Variants in AKAP13 observed in about 807,000 individuals in gnomAD.
AKAP13 encodes A-kinase anchor protein 13.
A neutral mutation model predicts 264.5 loss-of-function variants in AKAP13; 80 were observed. That is an observed-to-expected ratio of 0.30 (90% CI 0.25 to 0.36). The LOEUF (loss-of-function observed/expected upper bound fraction) is 0.36, where lower values mean the gene tolerates loss of function less well. Among genes scored for constraint, AKAP13 ranks in the 10% least tolerant of loss-of-function variants. The pLI is 1.00. For missense variants in AKAP13, 3,712 were observed against 3,435.2 expected (o/e 1.08, Z -2.01); for synonymous variants, 1,380 against 1,250.2 (o/e 1.10, Z -2.19).
chr15:85,635,960 G>T (rs2082054622), intron 8 of AKAP13, among the ~76,000 whole-genome samples: 1 of 152,092 alleles, frequency 6.6e-6, no homozygotes, highest in South Asian at 2.1e-4. Context: ...CCCCGGTTTG[G>T]TTAGTGCAGC....
chr15:85,405,840 C>G (rs951227664), intron 1 of AKAP13, among the ~76,000 whole-genome samples: 1 of 151,980 alleles, frequency 6.6e-6, no homozygotes, highest in Non-Finnish European at 1.5e-5. Flanking sequence ...GAATACCTGC[C>G]CTCACCCCCC....
chr15:85,531,731 C>T (rs1233398260), intron 3 of AKAP13, among the ~76,000 whole-genome samples: 1 of 152,200 alleles, frequency 6.6e-6, no homozygotes, highest in Non-Finnish European at 1.5e-5. Flanking sequence ...CTTGCTACAG[C>T]CTTCTTAGAA....
intron 9 of AKAP13, 42 bp downstream of exon 9, chr15:85,639,491 C>T: frequency 7.1e-7 from 1 of 1,418,312 alleles, no homozygotes; most frequent in Non-Finnish European, 1.0e-6. Flanking sequence ...GCTGCAGCCC[C>T]ACTCTGGCAG....
intron 6 of AKAP13, among the ~76,000 whole-genome samples, 184 bp from the exon 7 acceptor site, chr15:85,578,746 T>C (rs2079098536): frequency 6.6e-6 from 1 of 152,124 alleles, no homozygotes; most frequent in Admixed American, 6.6e-5. Flanking sequence ...TAGGCAGATA[T>C]GAAAGGAAAG....
intron 14 of AKAP13, among the ~76,000 whole-genome samples, chr15:85,671,776 C>CT (rs1468068365): frequency 2.6e-5 from 4 of 152,086 alleles, no homozygotes; most frequent in African/African-American, 9.7e-5. Flanking sequence ...GGAAGGCACT[C>CT]TAAGTGAGAC....
At chr15:85,419,943 T>G (rs1567047591) in intron 1 of AKAP13, among the ~76,000 whole-genome samples, 1 of 138,428 alleles carries the variant, frequency 7.2e-6, no homozygotes, top group East Asian at 2.0e-4. Context: ...TTGTTTTTTT[T>G]TTTTTTTTTT....
At chr15:85,440,562 T>A (rs968885928) in intron 1 of AKAP13, among the ~76,000 whole-genome samples, 1 of 152,152 alleles carries the variant, frequency 6.6e-6, no homozygotes, top group African/African-American at 2.4e-5. Context: ...CAGTAAAAAA[T>A]GTTCTGTCTA....
chr15:85,662,857 T>C (rs929513453), intron 12 of AKAP13, among the ~76,000 whole-genome samples: 7 of 147,884 alleles, frequency 4.7e-5, no homozygotes, highest in Non-Finnish European at 1.1e-4. Flanking sequence ...ATTCAGAGAC[T>C]CCTCATCGTT....
Position 85,638,696 on chromosome 15 carries a change from A to G in AKAP13, c.4162-678A>G, listed in dbSNP as rs192771733. Among the ~76,000 whole-genome samples, 9 of 152,114 alleles carry G rather than the reference A, an allele frequency of 5.9e-5. 1 individual carries two copies. The highest frequency in any genetic ancestry group is 5.2e-4 in the Admixed American group (8 of 15,288). ...GGGAAGGGGGAAGTATTTGCTTTTT[A>G]GAATAACACAGACTTGGCATTCCAG... On this transcript the variant is annotated intron_variant, in intron 8 of 36. Coordinates refer to ENST00000394518, the MANE Select transcript of AKAP13 (RefSeq NM_007200.5).
At chr15:85,398,393 G>T (rs2071225760) in intron 1 of AKAP13, among the ~76,000 whole-genome samples, 1 of 152,158 alleles carries the variant, frequency 6.6e-6, no homozygotes, top group African/African-American at 2.4e-5. Flanking sequence ...AGAGAAAATT[G>T]TTGGGTATAA....
In AKAP13 at chr15:85,521,445, A is replaced by T. The variant is rs1237563984; in HGVS notation, c.51A>T (p.Thr17=). The T allele has an allele frequency of 2.5e-6, 4 of 1,613,996 alleles. No homozygotes were observed. The highest frequency in any genetic ancestry group is 3.4e-6 in the Non-Finnish European group (4 of 1,179,992). ...TTTCCTAGGGTGATTGTGTTGTTAC[A>T]GTGCTGCTTGCTGAAGAGGACAAAG... is the stretch of plus-strand genomic sequence containing the variant. ...QAPLYGDCVV[T]VLLAEEDKAE... is the part of the protein sequence containing the mutation. Residue 17 remains threonine, a synonymous_variant, in exon 3 of 37, where the codon ACA becomes ACT. Coordinates refer to ENST00000394518, the MANE Select transcript of AKAP13 (RefSeq NM_007200.5).
At chr15:85,695,390 T>G (rs546508333) in intron 17 of AKAP13, among the ~76,000 whole-genome samples, 1 of 152,062 alleles carries the variant, frequency 6.6e-6, no homozygotes, top group South Asian at 2.1e-4. Flanking sequence ...GGCAACAGAG[T>G]GAGACTCCAT....
intron 8 of AKAP13, among the ~76,000 whole-genome samples, chr15:85,605,968 G>A (rs963776600): frequency 1.3e-5 from 2 of 151,748 alleles, no homozygotes; most frequent in Non-Finnish European, 2.9e-5. Flanking sequence ...AGTACCATTT[G>A]TTTGTAGTGG....
chr15:85,596,680 G>T (rs1053542323), intron 8 of AKAP13, among the ~76,000 whole-genome samples: 2 of 152,190 alleles, frequency 1.3e-5, no homozygotes, highest in African/African-American at 2.4e-5. Context: ...TTCAGTGTTT[G>T]TACTGAAGAT....
At chr15:85,535,670 A>T (rs546683801) in intron 4 of AKAP13, 32 of 152,066 alleles carry the variant, frequency 2.1e-4, no homozygotes, top group African/African-American at 7.7e-4. Flanking sequence ...ATGGTGTTTT[A>T]TGGTTTTGTT....
At chr15:85,412,262 A>G (rs1290546772) in intron 1 of AKAP13, among the ~76,000 whole-genome samples, 1 of 152,244 alleles carries the variant, frequency 6.6e-6, no homozygotes, top group Non-Finnish European at 1.5e-5. Flanking sequence ...TTGGTGTAAC[A>G]TGGAAAAAGA....
chr15:85,545,339 G>T (rs1031731814), intron 5 of AKAP13, among the ~76,000 whole-genome samples: 1 of 152,236 alleles, frequency 6.6e-6, no homozygotes, highest in African/African-American at 2.4e-5. Context: ...GGGAAGCAGA[G>T]TTGGTTAAGG....
intron 4 of AKAP13, among the ~76,000 whole-genome samples, chr15:85,538,864 T>G (rs144884848): frequency 1.5e-3 from 226 of 149,716 alleles, no homozygotes; most frequent in African/African-American, 5.3e-3. Flanking sequence ...GGAGTCTTGC[T>G]CTGTCCCCCA....
At position 85,515,419 on chromosome 15, in the gene AKAP13, G is replaced by A; in HGVS notation, c.34-6009G>A. On this transcript the variant is annotated intron_variant, in intron 2 of 36. Coordinates refer to ENST00000394518, the MANE Select transcript of AKAP13 (RefSeq NM_007200.5). ...AAACGCTTTGTTGTGTGGTTTCTGA[G>A]AACAAAGGTGTTCTTTCATAACCAC... Among the ~76,000 whole-genome samples, 2 of 138,424 alleles carry A rather than the reference G, an allele frequency of 1.4e-5. 1 individual carries two copies. Among genetic ancestry groups the A allele is most frequent in the East Asian group, 4.1e-4 (2 of 4,930 alleles). 90.8% of individuals were successfully genotyped at this position (138,424 alleles called of 152,430 possible).
Sources: allele counts gnomAD v4.1 joint callset (sites outside exome capture counted in the v4.1 genomes callset), GRCh38; gene constraint gnomAD v4.1.1; transcripts MANE v1.5; gene names NCBI Gene and HGNC (gene_info 2026-07-23, HGNC 2026-07-21).